Variants in RSPO2 observed in about 807,000 individuals in gnomAD.
The protein encoded by RSPO2 is R-spondin-2.
RSPO2 carries 14 observed loss-of-function variants against 30.9 expected under a neutral mutation model. The ratio of observed to expected loss-of-function variants is 0.45; its 90% confidence interval spans 0.30 to 0.71. RSPO2 has a LOEUF of 0.71. Among genes scored for constraint, RSPO2 ranks in the 30% least tolerant of loss-of-function variants. The probability of loss-of-function intolerance (pLI) is 0.08; values close to 1 mark genes in which losing one functional copy is unlikely to be tolerated. For synonymous variants in RSPO2, 107 were observed against 96.4 expected (o/e 1.11, Z -0.64); for missense variants, 264 against 301.9 (o/e 0.87, Z 0.93).
At chr8:107,952,466 T>C (rs928744275) in intron 5 of RSPO2, among the ~76,000 whole-genome samples, 3 of 152,286 alleles carry the variant, frequency 2.0e-5, no homozygotes, top group African/African-American at 4.8e-5. Flanking sequence ...AATTTCCTTT[T>C]AGATGCTCTC....
In RSPO2 at chr8:107,900,865, C is replaced by T. The variant is rs1172245403; in HGVS notation, c.*210G>A. 6.0e-6 allele frequency: 3 copies of T among 497,250 alleles called. No individual in the cohort carries two copies. The South Asian group carries it at 1.0e-4, about 17-fold the overall frequency. The allele number at this position is 497,250 out of a possible 1,614,324, so 30.8% of individuals were successfully genotyped here. ...ACACTGAGCCAAGTCACGGGCTGTG[C>T]ACTTACTCCTGCCTTCACAGTCTCC... On this transcript the variant is annotated 3_prime_UTR_variant, in exon 6 of 6. Transcript: ENST00000276659.
intron 3 of RSPO2, among the ~76,000 whole-genome samples, chr8:107,973,940 C>A (rs1032314379): frequency 6.6e-6 from 1 of 152,120 alleles, no homozygotes; most frequent in African/African-American, 2.4e-5. Context: ...ACCTCTAAAT[C>A]GATTGAGACC....
intron 3 of RSPO2, among the ~76,000 whole-genome samples, chr8:107,976,847 A>G (rs1443643665): frequency 6.6e-6 from 1 of 152,208 alleles, no homozygotes; most frequent in Non-Finnish European, 1.5e-5. Flanking sequence ...AAATGATTCT[A>G]TTCATGTAGA....
chr8:107,913,963 C>T (rs7844907), intron 5 of RSPO2, among the ~76,000 whole-genome samples: 114 of 151,990 alleles, frequency 7.5e-4, no homozygotes, highest in Non-Finnish European at 1.2e-3. Context: ...TTAACTCAGG[C>T]GTTAAAGCAT....
intron 2 of RSPO2, among the ~76,000 whole-genome samples, chr8:107,995,446 T>C (rs538969221): frequency 1.3e-5 from 2 of 152,186 alleles, no homozygotes; most frequent in South Asian, 2.1e-4. Context: ...TGTTGGGTCA[T>C]AACTTGTTCA....
chr8:107,997,957 A>C (rs1365404805), intron 2 of RSPO2, among the ~76,000 whole-genome samples: 6 of 152,182 alleles, frequency 3.9e-5, no homozygotes, highest in African/African-American at 1.4e-4. Context: ...AGAAATCTGA[A>C]TTCCTTCTAG....
At chr8:107,927,060 C>T (rs1325634832) in intron 5 of RSPO2, among the ~76,000 whole-genome samples, 1 of 152,128 alleles carries the variant, frequency 6.6e-6, no homozygotes, top group Non-Finnish European at 1.5e-5. Flanking sequence ...TTTGTGTCCT[C>T]TTTTATTTCA....
chr8:108,001,009 A>C (rs1563557754), intron 2 of RSPO2, among the ~76,000 whole-genome samples: 1 of 148,570 alleles, frequency 6.7e-6, no homozygotes, highest in Non-Finnish European at 1.5e-5. Context: ...TCTTAAAAAA[A>C]TAAAAATAAA....
intron 2 of RSPO2, among the ~76,000 whole-genome samples, chr8:108,060,802 C>A (rs1176691404): frequency 6.6e-6 from 1 of 151,784 alleles, no homozygotes; most frequent in Non-Finnish European, 1.5e-5. Context: ...GGGTTACCCT[C>A]AAAGGGAAGC....
chr8:108,041,203 CAAA>C (rs55937336), intron 2 of RSPO2, among the ~76,000 whole-genome samples: 279 of 100,348 alleles, frequency 2.8e-3, no homozygotes, highest in Middle Eastern at 6.7e-3. Flanking sequence ...CAAAAAGTGG[CAAA>C]AAAAAAAAAA....
intron 3 of RSPO2, among the ~76,000 whole-genome samples, chr8:107,972,999 G>A (rs1056719729): frequency 1.4e-4 from 21 of 152,216 alleles, no homozygotes; most frequent in South Asian, 2.1e-4. Flanking sequence ...GGCCGAGTGC[G>A]GTGGCTCACG....
chr8:108,063,127 AG>A (rs1195478834), intron 2 of RSPO2, among the ~76,000 whole-genome samples: 1 of 151,870 alleles, frequency 6.6e-6, no homozygotes, highest in East Asian at 1.9e-4. Flanking sequence ...GGCACAAGAC[AG>A]GGATGCCCTC....
chr8:108,040,511 C>T (rs980291598), intron 2 of RSPO2, among the ~76,000 whole-genome samples: 10 of 152,160 alleles, frequency 6.6e-5, no homozygotes, highest in Admixed American at 2.0e-4. Flanking sequence ...AGTAAATCCC[C>T]GATGGTCTCA....
At chr8:107,915,717 T>C (rs1181660947) in intron 5 of RSPO2, among the ~76,000 whole-genome samples, 1 of 152,062 alleles carries the variant, frequency 6.6e-6, no homozygotes, top group Non-Finnish European at 1.5e-5. Context: ...CTGAAGAGAG[T>C]TCAACAGGCC....
intron 2 of RSPO2, among the ~76,000 whole-genome samples, chr8:108,061,961 G>A (rs1223838024): frequency 6.9e-6 from 1 of 145,860 alleles, no homozygotes; most frequent in Non-Finnish European, 1.5e-5. Context: ...AATGAAGGCA[G>A]AAATAAAGAT....
chr8:107,978,969 A>C (rs1428661004), intron 3 of RSPO2, among the ~76,000 whole-genome samples: 1 of 152,214 alleles, frequency 6.6e-6, no homozygotes, highest in Non-Finnish European at 1.5e-5. Flanking sequence ...TGCAAATCAA[A>C]ACCACAATGA....
At chr8:107,969,563 CTTTA>C (rs1475501786) in intron 3 of RSPO2, among the ~76,000 whole-genome samples, 1 of 152,070 alleles carries the variant, frequency 6.6e-6, no homozygotes, top group Non-Finnish European at 1.5e-5. Context: ...AAAATACTGG[CTTTA>C]TTTCTCATAT....
At chr8:108,022,781 C>T (rs528385168) in intron 2 of RSPO2, among the ~76,000 whole-genome samples, 4 of 151,886 alleles carry the variant, frequency 2.6e-5, no homozygotes, top group African/African-American at 7.2e-5. Context: ...CAAAATTAGC[C>T]GGGCGTGGTG....
chr8:108,050,968 T>C (rs1812062145), intron 2 of RSPO2, among the ~76,000 whole-genome samples: 1 of 152,134 alleles, frequency 6.6e-6, no homozygotes, highest in Non-Finnish European at 1.5e-5. Flanking sequence ...CAGTGATGGC[T>C]ACAGCAACAT....
Sources: allele counts gnomAD v4.1 joint callset (sites outside exome capture counted in the v4.1 genomes callset), GRCh38; gene constraint gnomAD v4.1.1; transcripts MANE v1.5; gene names NCBI Gene and HGNC (gene_info 2026-07-23, HGNC 2026-07-21).